Variants in TRPM3 observed in about 807,000 individuals in gnomAD.
TRPM3 encodes long transient receptor potential channel 3.
In TRPM3, 77 loss-of-function variants were observed where a neutral mutation model predicts 181.2. The observed-to-expected ratio is 0.42, with a 90% CI of 0.35 to 0.51. The LOEUF (loss-of-function observed/expected upper bound fraction) is 0.51, where lower values mean the gene tolerates loss of function less well. Ranked by LOEUF, TRPM3 falls within the 20% of genes least tolerant of loss-of-function variation. The pLI is 0.01. For synonymous variants in TRPM3, 745 were observed against 796.4 expected, an observed-to-expected ratio of 0.94 and a Z score of 1.09; for missense variants, 1,759 against 2,196.7, an observed-to-expected ratio of 0.80 and a Z score of 3.98.
At chr9:70,621,148 T>G in intron 15 of TRPM3, 96 bp downstream of exon 15, 1 of 406,480 alleles carries the variant, frequency 2.5e-6, no homozygotes, top group Admixed American at 5.3e-5. Context: ...ATATACACTA[T>G]ATATTATTTT....
intron 7 of TRPM3, chr9:70,773,984 G>C (rs1183369525): frequency 6.6e-6 from 1 of 152,182 alleles, no homozygotes; most frequent in African/African-American, 2.4e-5. Context: ...TTCATGGCAT[G>C]TTGACTCCAA....
At chr9:71,294,359 T>C (rs2086077774) in intron 1 of TRPM3, among the ~76,000 whole-genome samples, 1 of 151,958 alleles carries the variant, frequency 6.6e-6, no homozygotes, top group South Asian at 2.1e-4. Context: ...CAAATAAACA[T>C]ATGACATGAT....
chr9:70,854,485 T>C (rs1223333978), intron 3 of TRPM3, among the ~76,000 whole-genome samples: 7 of 152,214 alleles, frequency 4.6e-5, no homozygotes. Flanking sequence ...TCACCTTATA[T>C]ATGGCCCCTG....
rs1206866164 is a variant in TRPM3, at chr9:71,442,817, A to G, written c.183+3836T>C. On this transcript the variant is annotated intron_variant, in intron 1 of 24. Transcript: ENST00000357533. ...TTGTAATGCGAGACAGCACTTGCTG[A>G]ATCACCTTTCAATAGATTTCCATGC... 2.0e-5 allele frequency among the ~76,000 whole-genome samples: 3 copies of G among 152,252 alleles called. No homozygotes were observed. The East Asian group carries it at 5.8e-4, about 29-fold the overall frequency.
At chr9:71,242,320 C>T (rs1448174627) in intron 1 of TRPM3, among the ~76,000 whole-genome samples, 3 of 152,140 alleles carry the variant, frequency 2.0e-5, no homozygotes, top group Admixed American at 6.5e-5. Flanking sequence ...ATGAAATAGT[C>T]AGTTAACTGA....
chr9:71,193,518 T>A (rs1305448560), intron 1 of TRPM3, among the ~76,000 whole-genome samples: 1 of 151,848 alleles, frequency 6.6e-6, no homozygotes, highest in Non-Finnish European at 1.5e-5. Flanking sequence ...TTTTCCCCTA[T>A]TCAATCTAAA....
At chr9:70,938,442 C>T (rs890544673) in intron 1 of TRPM3, among the ~76,000 whole-genome samples, 1 of 152,178 alleles carries the variant, frequency 6.6e-6, no homozygotes, top group South Asian at 2.1e-4. Flanking sequence ...ACCCTCTCTA[C>T]ATTTGGTGAA....
chr9:70,845,416 T>A (rs562901569), intron 4 of TRPM3, among the ~76,000 whole-genome samples: 1 of 152,138 alleles, frequency 6.6e-6, no homozygotes, highest in South Asian at 2.1e-4. Flanking sequence ...ATTTTTGCAT[T>A]CTTAGTAGAG....
intron 1 of TRPM3, among the ~76,000 whole-genome samples, chr9:71,413,880 C>T (rs934486603): frequency 1.3e-5 from 2 of 151,072 alleles, no homozygotes; most frequent in African/African-American, 4.9e-5. Context: ...TTTAAACTAC[C>T]CAGTCTCAGG....
intron 25 of TRPM3, among the ~76,000 whole-genome samples, chr9:70,545,077 TAAGAGGAGTTAAGTAAATTGCTC>T (rs1050837757): frequency 1.6e-4 from 24 of 152,208 alleles, no homozygotes; most frequent in African/African-American, 2.7e-4. Context: ...GGACATAGGT[TAAGAGGAGTTAAGTAAATTGCTC>T]AAGAGGAGTT....
intron 1 of TRPM3, among the ~76,000 whole-genome samples, chr9:70,908,802 A>G (rs964526630): frequency 2.6e-5 from 4 of 152,208 alleles, no homozygotes; most frequent in Admixed American, 1.3e-4. Flanking sequence ...GGAACAGAAT[A>G]CAGAGTCCAG....
At chr9:71,415,229 G>T (rs2093618583) in intron 1 of TRPM3, among the ~76,000 whole-genome samples, 1 of 152,058 alleles carries the variant, frequency 6.6e-6, no homozygotes, top group South Asian at 2.1e-4. Context: ...CCTGGACAGT[G>T]TGTGGCCCTC....
chr9:71,397,981 G>A (rs2093240798), intron 1 of TRPM3, among the ~76,000 whole-genome samples: 1 of 152,078 alleles, frequency 6.6e-6, no homozygotes, highest in Non-Finnish European at 1.5e-5. Context: ...GTACCCTCCT[G>A]GCAACTTTAA....
At chr9:70,965,388 T>G (rs12003539) in intron 1 of TRPM3, among the ~76,000 whole-genome samples, 48 of 152,222 alleles carry the variant, frequency 3.2e-4, no homozygotes, top group African/African-American at 1.1e-3. Context: ...CAAAAATGAT[T>G]TTGAAGACCA....
chr9:71,212,770 C>T (rs1270045077), intron 1 of TRPM3, among the ~76,000 whole-genome samples: 1 of 152,146 alleles, frequency 6.6e-6, no homozygotes, highest in Admixed American at 6.5e-5. Context: ...AAGTAAAACT[C>T]TATTTTAATA....
At chr9:70,655,233 G>A (rs1239711259) in intron 9 of TRPM3, among the ~76,000 whole-genome samples, 1 of 145,228 alleles carries the variant, frequency 6.9e-6, no homozygotes, top group Non-Finnish European at 1.5e-5. Context: ...TTGAACCTGG[G>A]AGGCAGAGGT....
intron 1 of TRPM3, among the ~76,000 whole-genome samples, chr9:71,187,905 A>T (rs952883719): frequency 1.9e-4 from 19 of 98,604 alleles, no homozygotes; most frequent in African/African-American, 6.1e-4. Context: ...ATAGATAGAT[A>T]GATAGATAGA....
chr9:71,285,436 C>T lies in TRPM3; in HGVS notation c.183+161217G>A, dbSNP rs151079728. ...GGAAACACTGAGCAAACAGTATAGT[C>T]CTCAGAGTTGAAAAGCTGCCTATTA... On this transcript the variant is annotated intron_variant, in intron 1 of 24. Transcript: ENST00000357533. 2.6e-3 allele frequency among the ~76,000 whole-genome samples: 402 copies of T among 152,282 alleles called. 2 individuals carry two copies. Among genetic ancestry groups the T allele is most frequent in the African/African-American group, 9.3e-3 (387 of 41,564 alleles).
At chr9:71,077,623 G>T (rs598635) in intron 1 of TRPM3, among the ~76,000 whole-genome samples, 35,056 of 151,896 alleles carry the variant, frequency 0.23, 4,814 homozygotes, top group East Asian at 0.4. Context: ...TTCCTCTTTA[G>T]CAACACCACA....
Sources: gnomAD v4.1 joint callset for allele counts (sites outside exome capture counted in the v4.1 genomes callset) on GRCh38, gnomAD v4.1.1 for gene constraint, MANE v1.5 for transcripts, NCBI Gene and HGNC (gene_info 2026-07-23, HGNC 2026-07-21) for gene names.